Variants in NSUN4 observed in about 807,000 individuals in gnomAD.
NSUN4 encodes 5-cytosine rRNA methyltransferase NSUN4.
In NSUN4, 31 loss-of-function variants were observed where a neutral mutation model predicts 43.8. That is an observed-to-expected ratio of 0.71 (90% CI 0.53 to 0.96). NSUN4 has a LOEUF of 0.96. NSUN4 is among the 40% of genes least tolerant of loss of function. The pLI, the probability that NSUN4 is intolerant of heterozygous loss-of-function variation, is 0.00. For missense variants in NSUN4, 439 were observed against 475.6 expected, an observed-to-expected ratio of 0.92 and a Z score of 0.72; for synonymous variants, 167 against 184.1, an observed-to-expected ratio of 0.91 and a Z score of 0.75.
chr1:46,380,710 T>A, the NSUN4 span, among the ~76,000 whole-genome samples: 9 of 152,240 alleles, frequency 5.9e-5, no homozygotes, highest in African/African-American at 2.2e-4. Flanking sequence ...GCACAAGAGG[T>A]TAAAGAGGCT....
At chr1:46,349,148 T>TTG (rs1557739128) in intron 3 of NSUN4, among the ~76,000 whole-genome samples, 21 of 147,112 alleles carry the variant, frequency 1.4e-4, no homozygotes, top group Non-Finnish European at 2.8e-4. Context: ...TTTTTTGTTT[T>TTG]TTTTTTTTTG....
chr1:46,360,944 G>A, intron 5 of NSUN4, 116 bp downstream of exon 5: 1 of 1,159,304 alleles, frequency 8.6e-7, no homozygotes, highest in Non-Finnish European at 1.2e-6. Flanking sequence ...CTGGAGATCT[G>A]CCTAGAGGAG....
rs1282305500 is a variant in NSUN4, at chr1:46,361,659, G to A, written c.968G>A (p.Gly323Asp). The A allele has an allele frequency of 1.3e-5, 21 of 1,614,044 alleles. No homozygotes were observed. The highest frequency in any genetic ancestry group is 5.9e-6 in the Non-Finnish European group (7 of 1,180,028). The change falls in exon 6 of 6, where the codon GGT (glycine) becomes GAT (aspartate). Residue 323 changes from glycine to aspartate, a missense_variant. Gly to Asp is a moderately conservative substitution (Grantham distance 94). Transcript: ENST00000474844. ...SHLQNEYVVQ[G>D]AIELLANQYS... ...TTACAGAACGAGTATGTGGTGCAAG[G>A]TGCCATTGAGCTCCTGGCCAATCAA... is the stretch of plus-strand genomic sequence containing the variant.
chr1:46,376,820 C>T, the NSUN4 span, among the ~76,000 whole-genome samples: 3 of 150,818 alleles, frequency 2.0e-5, no homozygotes, highest in African/African-American at 7.3e-5. Flanking sequence ...TGCAGTGGCA[C>T]GATCTTGGCT....
chr1:46,365,068 A>T (rs953308193), downstream of NSUN4: 1 of 152,116 alleles, frequency 6.6e-6, no homozygotes, highest in African/African-American at 2.4e-5. Context: ...GTCTTGGAAA[A>T]TTTTTGCATA....
chr1:46,341,799 C>T, intron 1 of NSUN4: 1 of 1,232,594 alleles, frequency 8.1e-7, no homozygotes, highest in African/African-American at 1.5e-5. Flanking sequence ...GTCACCCCCT[C>T]TCTGTCAGCG....
At chr1:46,379,088 A>G in the NSUN4 span, among the ~76,000 whole-genome samples, 1 of 152,200 alleles carries the variant, frequency 6.6e-6, no homozygotes, top group African/African-American at 2.4e-5. Context: ...CACAGATACA[A>G]GGGGTCCTGG....
chr1:46,344,696 C>A, intron 1 of NSUN4, 105 bp from the exon 2 acceptor site: 1 of 941,728 alleles, frequency 1.1e-6, no homozygotes, highest in Non-Finnish European at 1.7e-6. Context: ...CAGGAGTGGG[C>A]ACTAGCTGGA....
At chr1:46,374,288 C>CCA in the NSUN4 span, among the ~76,000 whole-genome samples, 1 of 58,356 alleles carries the variant, frequency 1.7e-5, no homozygotes, top group African/African-American at 8.3e-5. Flanking sequence ...CTCTGTCTCA[C>CCA]CAAAAAAAAA....
downstream of NSUN4, among the ~76,000 whole-genome samples, chr1:46,366,534 C>T (rs1207653860): frequency 1.3e-5 from 2 of 151,632 alleles, no homozygotes; most frequent in Non-Finnish European, 2.9e-5. Context: ...CAATTTTGTA[C>T]ATCTGAGGTC....
chr1:46,344,750 G>A (rs772084729), intron 1 of NSUN4, 51 bp from the exon 2 acceptor site: 6 of 1,516,988 alleles, frequency 4.0e-6, no homozygotes, highest in South Asian at 1.2e-5. Context: ...CAGGTAGTAG[G>A]GGGTAGAGTC....
intron 3 of NSUN4, 102 bp downstream of exon 3, chr1:46,347,177 C>T: frequency 2.4e-6 from 3 of 1,264,212 alleles, no homozygotes; most frequent in Non-Finnish European, 3.2e-6. Context: ...GTGGCTCCCG[C>T]CTGTAATCCC....
Position 46,362,005 on chromosome 1 carries a change from T to A in NSUN4, c.*159T>A, listed in dbSNP as rs1236257381. 2 of 665,842 alleles carry A rather than the reference T, an allele frequency of 3.0e-6. No homozygotes were observed. The highest frequency in any genetic ancestry group is 5.1e-6 in the Non-Finnish European group (2 of 394,680). 41.2% of individuals were successfully genotyped at this position (665,842 alleles called of 1,614,324 possible). A position where few individuals can be genotyped will look rare whatever the true frequency, so the allele number is the denominator to read the frequency against. ...CGGCAATAAGAAGTAGAAGATTTGC[T>A]GTCCTGCTGTCCAATTGTGGAGCAT... On this transcript the variant is annotated 3_prime_UTR_variant, in exon 6 of 6. Coordinates refer to ENST00000474844, the MANE Select transcript of NSUN4 (RefSeq NM_199044.4).
At chr1:46,343,450 T>A in intron 1 of NSUN4, 1 of 399,604 alleles carries the variant, frequency 2.5e-6, no homozygotes, top group Non-Finnish European at 4.4e-6. Context: ...AGCTGCCCTT[T>A]GCCTTCATCC....
At chr1:46,383,448 GTTTTTTT>G in the NSUN4 span, among the ~76,000 whole-genome samples, 20 of 102,408 alleles carry the variant, frequency 2.0e-4, no homozygotes, top group Non-Finnish European at 3.3e-4. Flanking sequence ...GTTGGCTGGT[GTTTTTTT>G]TTTTTTTTTT....
At chr1:46,343,624 T>C in intron 1 of NSUN4, 1 of 398,768 alleles carries the variant, frequency 2.5e-6, no homozygotes, top group Non-Finnish European at 4.4e-6. Context: ...AGGCATCATC[T>C]GAGCAGAAGT....
downstream of NSUN4, among the ~76,000 whole-genome samples, chr1:46,367,095 C>A (rs1478290851): frequency 6.6e-6 from 1 of 152,138 alleles, no homozygotes; most frequent in Non-Finnish European, 1.5e-5. Flanking sequence ...AAGTTAAGAA[C>A]CTTTGGATTA....
chr1:46,356,356 C>T (rs1307538011), intron 4 of NSUN4, among the ~76,000 whole-genome samples: 1 of 152,188 alleles, frequency 6.6e-6, no homozygotes, highest in African/African-American at 2.4e-5. Flanking sequence ...CAGGTGTGAG[C>T]CACCGTGCCC....
the NSUN4 span, among the ~76,000 whole-genome samples, chr1:46,382,877 C>T: frequency 6.6e-6 from 1 of 152,228 alleles, no homozygotes; most frequent in Non-Finnish European, 1.5e-5. Flanking sequence ...AATGGAATTA[C>T]AGGTGTGAGC....
Sources: allele counts gnomAD v4.1 joint callset (sites outside exome capture counted in the v4.1 genomes callset), GRCh38; gene constraint gnomAD v4.1.1; transcripts MANE v1.5; gene names NCBI Gene and HGNC (gene_info 2026-07-23, HGNC 2026-07-21).